The following EIF2B1 variants were observed in gnomAD, a reference collection of about 807,000 sequenced individuals.
EIF2B1 encodes the protein translation initiation factor eIF2B subunit alpha.
In EIF2B1, 30 loss-of-function variants were observed where a neutral mutation model predicts 36.8. The ratio of observed to expected loss-of-function variants is 0.81; its 90% confidence interval spans 0.61 to 1.10. The LOEUF is 1.10. Ranked by LOEUF, EIF2B1 falls within the 50% of genes least tolerant of loss-of-function variation. The pLI is 0.00. For synonymous variants in EIF2B1, 139 were observed against 142.2 expected (o/e 0.98, Z 0.16); for missense variants, 271 against 374.8 (o/e 0.72, Z 2.29).
chr12:123,629,903 A>T (rs1480689296), intron 4 of EIF2B1: 1 of 552,904 alleles, frequency 1.8e-6, no homozygotes, highest in African/African-American at 1.9e-5. Context: ...ACCTACATTC[A>T]TGCAGCACTT....
intron 5 of EIF2B1, 146 bp from the exon 6 acceptor site, chr12:123,626,639 G>A: frequency 1.1e-6 from 1 of 918,348 alleles, no homozygotes; most frequent in Non-Finnish European, 1.7e-6. Context: ...TTTGGACTAA[G>A]GAAACAAGAA....
chr12:123,631,992 G>A (rs528314309), intron 2 of EIF2B1, among the ~76,000 whole-genome samples: 9 of 150,864 alleles, frequency 6.0e-5, no homozygotes, highest in Admixed American at 2.0e-4. Context: ...ACAAACGGCC[G>A]GGCACAGTGG....
Position 123,627,140 on chromosome 12 carries a change from G to A in EIF2B1, c.386C>T (p.Ala129Val). The change falls in exon 5 of 9, where the codon GCC becomes GTC. Residue 129 changes from alanine (A) to valine (V), a missense_variant. Physicochemically the swap from Ala to Val is moderately conservative, Grantham distance 64. Transcript: ENST00000424014. ...GACTCTCAGGACCACTCTGGAGTAG[G>A]CGTGAGTCAATATTGTCTGTGGACC... The part of the protein sequence containing the change: ...IKDGATILTH[A>V]YSRVVLRVLE... 1 of 1,614,026 alleles carries A rather than the reference G, an allele frequency of 6.2e-7. No individual in the cohort carries two copies. The highest frequency in any genetic ancestry group is 8.5e-7 in the Non-Finnish European group (1 of 1,179,980).
intron 2 of EIF2B1, 127 bp downstream of exon 2, chr12:123,632,218 A>T: frequency 1.4e-6 from 1 of 716,964 alleles, no homozygotes; most frequent in South Asian, 1.6e-5. Flanking sequence ...CAGTGAGCCA[A>T]GATCTCGCCA....
At chr12:123,627,177 G>C (rs2135763851) in intron 4 of EIF2B1, 21 bp from the exon 5 acceptor site, 1 of 1,599,348 alleles carries the variant, frequency 6.3e-7, no homozygotes, top group Non-Finnish European at 8.6e-7. Flanking sequence ...AGAAAGCTTT[G>C]TCAAAGGGGC....
intron 7 of EIF2B1, among the ~76,000 whole-genome samples, chr12:123,624,509 C>T (rs995982279): frequency 6.6e-6 from 1 of 152,108 alleles, no homozygotes; most frequent in Non-Finnish European, 1.5e-5. Context: ...ATCCTCCCAC[C>T]CTGGCCTCTC....
At chr12:123,623,997 A>G (rs1375865822) in intron 7 of EIF2B1, among the ~76,000 whole-genome samples, 2 of 151,640 alleles carry the variant, frequency 1.3e-5, no homozygotes, top group African/African-American at 4.8e-5. Flanking sequence ...TGATCACTGT[A>G]CTACACTACA....
chr12:123,626,399 T>G lies in EIF2B1; in HGVS notation c.551+26A>C, dbSNP rs368908018. The G allele has an allele frequency of 1.5e-4, 244 of 1,613,980 alleles. 2 individuals carry two copies. In the African/African-American group the frequency reaches 2.9e-3, roughly 19 times the overall value. On this transcript the variant is annotated intron_variant, in intron 6 of 8. Transcript: ENST00000424014. ...GCCAGCATGGGGTGGGGGAGGTGAT[T>G]ATGGCTGGGGAAGATGGGCACTCAC...
intron 4 of EIF2B1, 129 bp from the exon 5 acceptor site, chr12:123,627,285 G>A (rs922801766): frequency 3.8e-6 from 3 of 786,254 alleles, no homozygotes; most frequent in Non-Finnish European, 4.4e-6. Context: ...ACCACAACCA[G>A]AAAGGAGACC....
In EIF2B1 at chr12:123,633,651, A is replaced by G. The variant is rs774415968; in HGVS notation, c.-94T>C. ...CGCGCCGCCTGCGAGCCAGTCTGAC[A>G]GCGCGCTGCACACCTCCGCACCCCA... On this transcript the variant is annotated 5_prime_UTR_variant, in exon 1 of 9. Transcript: ENST00000424014. 8 of 1,575,132 alleles carry G rather than the reference A, an allele frequency of 5.1e-6. No homozygotes were observed. In the South Asian group the frequency reaches 8.9e-5, roughly 17 times the overall value.
At chr12:123,626,588 C>T in intron 5 of EIF2B1, 95 bp from the exon 6 acceptor site, 1 of 1,391,078 alleles carries the variant, frequency 7.2e-7, no homozygotes, top group African/African-American at 1.4e-5. Context: ...TTGCTTGAAA[C>T]TCACATTAAT....
At chr12:123,632,309 A>C in intron 2 of EIF2B1, 36 bp downstream of exon 2, 1 of 1,331,166 alleles carries the variant, frequency 7.5e-7, no homozygotes, top group Non-Finnish European at 1.1e-6. Context: ...AGACTATCCT[A>C]AGTCCCAGAG....
At chr12:123,626,661 TAGAA>T in intron 5 of EIF2B1, 168 bp from the exon 6 acceptor site, 4 of 779,762 alleles carry the variant, frequency 5.1e-6, no homozygotes, top group Non-Finnish European at 8.7e-6. Flanking sequence ...TTGAGTTCTT[TAGAA>T]AGAAGTATTT....
chr12:123,623,787 A>G lies in EIF2B1; in HGVS notation c.627+1000T>C, dbSNP rs78791965. On this transcript the variant is annotated intron_variant, in intron 7 of 8. Transcript: ENST00000424014. ...CTACGCCCGGCCTTATGTTACATAT[A>G]TTTTAACTAAAAAAAGCTTTCATGA... Among the ~76,000 whole-genome samples, 530 of 152,258 alleles carry G rather than the reference A, an allele frequency of 3.5e-3. 6 individuals are homozygous for G. The highest frequency in any genetic ancestry group is 0.012 in the African/African-American group (504 of 41,548).
At chr12:123,621,997 A>G (rs1361658991) in intron 8 of EIF2B1, 77 bp from the exon 9 acceptor site, 7 of 1,571,624 alleles carry the variant, frequency 4.5e-6, no homozygotes, top group Non-Finnish European at 6.1e-6. Flanking sequence ...GTGAGTGATC[A>G]GTGTGCTACT....
Position 123,626,678 on chromosome 12 carries a change from G to A in EIF2B1, c.483-185C>T, listed in dbSNP as rs1486887145. 5.5e-6 allele frequency: 4 copies of A among 721,732 alleles called. No homozygotes were observed. The African/African-American group carries it at 7.1e-5, about 13-fold the overall frequency. The allele number at this position is 721,732 out of a possible 1,614,324, so 44.7% of individuals were successfully genotyped here. ...GAGTTCTTTAGAAAGAAGTATTTTT[G>A]GAAAACTATACTCTTAGACTCTGGG... On this transcript the variant is annotated intron_variant, in intron 5 of 8. Transcript: ENST00000424014.
Position 123,621,586 on chromosome 12 carries a change from G to A in EIF2B1, c.*170C>T, listed in dbSNP as rs2135758681. ...TAGAATAGCTGACACATTTTTAGAT[G>A]GGACTGAAATGAGTAAGAAAGGTTC... On this transcript the variant is annotated 3_prime_UTR_variant, in exon 9 of 9. Coordinates refer to ENST00000424014, the MANE Select transcript of EIF2B1 (RefSeq NM_001414.4). The A allele has an allele frequency of 1.3e-6, 1 of 764,780 alleles. No homozygotes were observed. Among genetic ancestry groups the A allele is most frequent in the Admixed American group, 2.3e-5 (1 of 42,858 alleles). 47.4% of individuals were successfully genotyped at this position (764,780 alleles called of 1,614,324 possible).
In EIF2B1 at chr12:123,621,467, T is replaced by G. The variant is rs1043921736; in HGVS notation, c.*289A>C. The G allele has an allele frequency of 4.3e-5, 18 of 420,014 alleles. No homozygotes were observed. The highest frequency in any genetic ancestry group is 1.3e-4 in the South Asian group (6 of 47,884). 26.0% of individuals were successfully genotyped at this position (420,014 alleles called of 1,614,324 possible). On this transcript the variant is annotated 3_prime_UTR_variant, in exon 9 of 9. Transcript: ENST00000424014. ...GAAGACAGGTGGACTTGGGCTCATC[T>G]TTCATCAGTTAAGTAGCCAATTATC...
intron 4 of EIF2B1, among the ~76,000 whole-genome samples, 155 bp from the exon 5 acceptor site, chr12:123,627,311 C>T (rs1955156616): frequency 6.6e-6 from 1 of 152,190 alleles, no homozygotes; most frequent in Admixed American, 6.6e-5. Context: ...GTACAGTTTC[C>T]ATCCCATGTG....
Sources: allele counts gnomAD v4.1 joint callset (sites outside exome capture counted in the v4.1 genomes callset), GRCh38; gene constraint gnomAD v4.1.1; transcripts MANE v1.5; gene names NCBI Gene and HGNC (gene_info 2026-07-23, HGNC 2026-07-21).